The following CLTB variants were observed in gnomAD, a reference collection of about 807,000 sequenced individuals.
The protein encoded by CLTB is clathrin, light chain (Lcb).
In CLTB, 10 loss-of-function variants were observed where a neutral mutation model predicts 30.5. The observed-to-expected ratio is 0.33, with a 90% CI of 0.20 to 0.56. The LOEUF is 0.56. CLTB is among the 20% of genes least tolerant of loss of function. The probability of loss-of-function intolerance (pLI) is 0.91; values close to 1 mark genes in which losing one functional copy is unlikely to be tolerated. For missense variants in CLTB, 261 were observed against 308.3 expected, an observed-to-expected ratio of 0.85 and a Z score of 1.15; for synonymous variants, 102 against 120.3, an observed-to-expected ratio of 0.85 and a Z score of 1.00.
At position 176,398,063 on chromosome 5, in the gene CLTB, G is replaced by T; in HGVS notation, c.235-16C>A. ...CGTTGGCCTCCTAGAACACAAACAC[G>T]CAGCAGTCTATCCAGCCAGCACACC... On this transcript the variant is annotated splice_polypyrimidine_tract_variant and intron_variant, in intron 2 of 5. Coordinates refer to ENST00000310418, the MANE Select transcript of CLTB (RefSeq NM_007097.5). 1 of 1,608,774 alleles carries T rather than the reference G, an allele frequency of 6.2e-7. No homozygotes were observed. Among genetic ancestry groups the T allele is most frequent in the South Asian group, 1.1e-5 (1 of 90,978 alleles).
intron 2 of CLTB, among the ~76,000 whole-genome samples, chr5:176,407,085 G>C (rs915759830): frequency 3.9e-5 from 6 of 152,162 alleles, no homozygotes; most frequent in Non-Finnish European, 8.8e-5. Flanking sequence ...GTGAGAATAA[G>C]AGTTCTCACT....
Position 176,397,322 on chromosome 5 carries a change from A to G in CLTB, c.464+285T>C, listed in dbSNP as rs1233510215. Among the ~76,000 whole-genome samples the G allele has an allele frequency of 2.7e-5, 3 of 109,992 alleles. No homozygotes were observed. The East Asian group carries it at 8.0e-4, about 29-fold the overall frequency. The allele number at this position is 109,992 out of a possible 152,430, so 72.2% of individuals were successfully genotyped here. A position where few individuals can be genotyped will look rare whatever the true frequency, so the allele number is the denominator to read the frequency against. On this transcript the variant is annotated intron_variant, in intron 4 of 5. Coordinates refer to ENST00000310418, the MANE Select transcript of CLTB (RefSeq NM_007097.5). ...TCCCCACAGCCCCTCTCATGTCCCC[A>G]TAGCCCCTCTCATGTCCCCACAGCC...
chr5:176,398,571 G>C (rs1242365132), intron 2 of CLTB, among the ~76,000 whole-genome samples: 1 of 151,772 alleles, frequency 6.6e-6, no homozygotes, highest in East Asian at 2.0e-4. Context: ...AATTAGCCAG[G>C]CGTGGTGGTG....
chr5:176,392,950 G>A lies in CLTB; in HGVS notation c.519-5C>T, dbSNP rs13167355. The A allele has an allele frequency of 0.086, 138,907 of 1,613,800 alleles. 6,787 individuals are homozygous for A. The highest frequency in any genetic ancestry group is 0.16 in the African/African-American group (12,050 of 74,994). On this transcript the variant is annotated splice_polypyrimidine_tract_variant and splice_region_variant and intron_variant, in intron 5 of 5. Transcript: ENST00000310418. The surrounding 1 kb of genome is among the most constrained non-coding windows in gnomAD (Gnocchi z 5.2). ...ACGAAAGCCTCCTCGGATGCCCTGC[G>A]GGTGGAGATAGGACGGGCTTTTATA...
At chr5:176,402,179 G>A (rs958726640) in intron 2 of CLTB, among the ~76,000 whole-genome samples, 1 of 152,118 alleles carries the variant, frequency 6.6e-6, no homozygotes, top group African/African-American at 2.4e-5. Context: ...GCGGACGCCT[G>A]TAATCCCAGC....
In CLTB at chr5:176,396,500, T is replaced by C. The variant is rs774149649; in HGVS notation, c.497A>G (p.Asp166Gly). 1 of 1,614,036 alleles carries C rather than the reference T, an allele frequency of 6.2e-7. No individual in the cohort carries two copies. ...IADKAFYQQP[D>G]ADIIGYVASE... ...GTACACGTAGCCGATGATATCAGCA[T>C]CTGGCTGCTGGTAGAATGCTTTGTC... Residue 166 changes from aspartate to glycine, a missense_variant, in exon 5 of 6, where the codon GAT becomes GGT. Physicochemically the swap from Asp to Gly is moderately conservative, Grantham distance 94. Transcript: ENST00000310418.
chr5:176,413,661 G>A (rs1054383780), intron 1 of CLTB, among the ~76,000 whole-genome samples: 1 of 152,224 alleles, frequency 6.6e-6, no homozygotes, highest in African/African-American at 2.4e-5. Context: ...GCTCTCAGCA[G>A]GCCAGGGCGC....
At chr5:176,415,876 G>A (rs1487081114) in intron 1 of CLTB, among the ~76,000 whole-genome samples, 3 of 152,210 alleles carry the variant, frequency 2.0e-5, no homozygotes, top group Admixed American at 2.0e-4. Context: ...AGGCTCAGGA[G>A]GGACTCTCAA....
chr5:176,413,220 G>A (rs1050181447), intron 1 of CLTB, among the ~76,000 whole-genome samples: 4 of 152,108 alleles, frequency 2.6e-5, no homozygotes, highest in African/African-American at 9.7e-5. Flanking sequence ...ACAGAGACAC[G>A]TCCCAGGGAT....
At chr5:176,412,181 A>AG (rs1757477404) in intron 1 of CLTB, among the ~76,000 whole-genome samples, 2 of 151,894 alleles carry the variant, frequency 1.3e-5, no homozygotes, top group South Asian at 4.2e-4. Context: ...TCTCAAAAAA[A>AG]AAAAAAAAAA....
chr5:176,400,522 G>A (rs942589304), intron 2 of CLTB, among the ~76,000 whole-genome samples: 7 of 152,094 alleles, frequency 4.6e-5, no homozygotes, highest in African/African-American at 1.2e-4. Flanking sequence ...GCTGAGCACC[G>A]TGAGCTCTGC....
rs561985469 is a variant in CLTB, at chr5:176,411,217, G to T, written c.188-914C>A. Among the ~76,000 whole-genome samples, 6 of 152,306 alleles carry T rather than the reference G, an allele frequency of 3.9e-5. No individual in the cohort carries two copies. The South Asian group carries it at 1.2e-3, about 32-fold the overall frequency. ...GAAAGACAACGACTGCATGGCTTTT[G>T]CCCATTCACAGGCCCCCTTGACTCC... On this transcript the variant is annotated intron_variant, in intron 1 of 5. Transcript: ENST00000310418.
chr5:176,415,299 T>C (rs1214647204), intron 1 of CLTB, among the ~76,000 whole-genome samples: 1 of 152,164 alleles, frequency 6.6e-6, no homozygotes, highest in Non-Finnish European at 1.5e-5. Flanking sequence ...GATGCCTCTT[T>C]GTGGCCCACA....
chr5:176,395,617 C>T (rs973741377), intron 5 of CLTB, among the ~76,000 whole-genome samples: 6 of 152,144 alleles, frequency 3.9e-5, no homozygotes, highest in South Asian at 2.1e-4. Flanking sequence ...TAACTGACGT[C>T]GGCACGAGAT....
At chr5:176,409,152 T>C (rs1025342023) in intron 2 of CLTB, among the ~76,000 whole-genome samples, 11 of 152,100 alleles carry the variant, frequency 7.2e-5, no homozygotes, top group African/African-American at 2.4e-4. Context: ...AATTTTGTAT[T>C]TTTAGTAGAG....
chr5:176,406,651 C>CGT, intron 2 of CLTB: 1 of 1,289,358 alleles, frequency 7.8e-7, no homozygotes, highest in Non-Finnish European at 1.0e-6. Flanking sequence ...TGGGCAGGCT[C>CGT]GTCCTTAGGC....
intron 1 of CLTB, among the ~76,000 whole-genome samples, chr5:176,412,125 G>A (rs1047991355): frequency 5.4e-5 from 8 of 147,024 alleles, no homozygotes; most frequent in East Asian, 2.0e-4. Flanking sequence ...GCAGTGAGCC[G>A]AGATCCCGCC....
At chr5:176,407,703 G>C (rs1044036654) in intron 2 of CLTB, 2 of 152,256 alleles carry the variant, frequency 1.3e-5, no homozygotes, top group Non-Finnish European at 2.9e-5. Context: ...AATGTGGCCA[G>C]AGAGCCTGGG....
intron 2 of CLTB, 66 bp downstream of exon 2, chr5:176,410,191 G>A: frequency 2.2e-6 from 3 of 1,350,806 alleles, no homozygotes; most frequent in Non-Finnish European, 3.2e-6. Context: ...CTACAACAAT[G>A]AGGCTTTAGG....
Sources: allele counts gnomAD v4.1 joint callset (sites outside exome capture counted in the v4.1 genomes callset), GRCh38; gene constraint gnomAD v4.1.1; non-coding constraint Gnocchi (gnomAD v3.1); transcripts MANE v1.5; gene names NCBI Gene and HGNC (gene_info 2026-07-23, HGNC 2026-07-21).